COBL: variants seen among roughly 807,000 people sequenced by gnomAD.
The protein encoded by COBL is cordon-bleu WH2 repeat protein, also known as protein cordon-bleu.
In COBL, 51 loss-of-function variants were observed where a neutral mutation model predicts 98.8. The ratio of observed to expected loss-of-function variants is 0.52; its 90% CI spans 0.41 to 0.65. The LOEUF (loss-of-function observed/expected upper bound fraction) is 0.65, where lower values mean the gene tolerates loss of function less well. Ranked by LOEUF, COBL falls within the 30% of genes least tolerant of loss-of-function variation. COBL has a pLI of 0.00. For synonymous variants in COBL, 634 were observed against 651.7 expected (o/e 0.97, Z 0.41); for missense variants, 1,617 against 1,617.5 (o/e 1.00, Z 0.01).
chr7:51,082,697 T>C (rs1793784030), intron 7 of COBL, among the ~76,000 whole-genome samples: 1 of 152,212 alleles, frequency 6.6e-6, no homozygotes, highest in Non-Finnish European at 1.5e-5. Context: ...ACAGCCTGCC[T>C]GAGTTAGCCC....
At chr7:51,211,469 C>A (rs1248948945) in intron 2 of COBL, among the ~76,000 whole-genome samples, 1 of 152,196 alleles carries the variant, frequency 6.6e-6, no homozygotes, top group Non-Finnish European at 1.5e-5. Flanking sequence ...AGGCACCGAG[C>A]ACAGTGCCAG....
At chr7:51,061,544 A>G (rs2128910619) in intron 7 of COBL, among the ~76,000 whole-genome samples, 2 of 152,138 alleles carry the variant, frequency 1.3e-5, no homozygotes, top group Middle Eastern at 6.8e-3. Flanking sequence ...CGAGTTGGCA[A>G]GGGGTGAATT....
intron 6 of COBL, among the ~76,000 whole-genome samples, chr7:51,122,770 G>A (rs942551768): frequency 2.6e-5 from 4 of 152,142 alleles, no homozygotes; most frequent in Admixed American, 6.5e-5. Context: ...CCTGAGGTCA[G>A]GAGTTCGAGA....
At chr7:51,303,427 C>G (rs949513234) in intron 1 of COBL, among the ~76,000 whole-genome samples, 1 of 152,140 alleles carries the variant, frequency 6.6e-6, no homozygotes, top group East Asian at 1.9e-4. Flanking sequence ...CTGTGCGCAC[C>G]TGACTTGACC....
chr7:51,253,766 C>A (rs955686222), intron 1 of COBL, among the ~76,000 whole-genome samples: 4 of 152,138 alleles, frequency 2.6e-5, no homozygotes, highest in South Asian at 2.1e-4. Context: ...TTTGCCATTT[C>A]TTTTGTTCTT....
intron 5 of COBL, among the ~76,000 whole-genome samples, chr7:51,168,134 A>G (rs2129040817): frequency 6.6e-6 from 1 of 152,334 alleles, no homozygotes; most frequent in East Asian, 1.9e-4. Context: ...CAACCCAGAT[A>G]ATAGGAGAAA....
chr7:51,154,873 T>C (rs1306551538), intron 5 of COBL, among the ~76,000 whole-genome samples: 1 of 152,218 alleles, frequency 6.6e-6, no homozygotes, highest in African/African-American at 2.4e-5. Context: ...GTCTCTGACA[T>C]GGGATATAAA....
At chr7:51,214,616 G>A (rs952420772) in intron 2 of COBL, among the ~76,000 whole-genome samples, 5 of 152,130 alleles carry the variant, frequency 3.3e-5, no homozygotes, top group Non-Finnish European at 1.5e-5. Flanking sequence ...CAAGTTAGTT[G>A]TTTTCTATGT....
intron 1 of COBL, among the ~76,000 whole-genome samples, chr7:51,241,176 G>T (rs1795755800): frequency 6.6e-6 from 1 of 152,202 alleles, no homozygotes; most frequent in Non-Finnish European, 1.5e-5. Flanking sequence ...ATTAGAGAGA[G>T]CAAATTCCAG....
At chr7:51,089,904 GC>G (rs2128947890) in intron 6 of COBL, among the ~76,000 whole-genome samples, 1 of 151,684 alleles carries the variant, frequency 6.6e-6, no homozygotes, top group South Asian at 2.1e-4. Flanking sequence ...TTTAATGGCT[GC>G]CTAGTACTCC....
chr7:51,032,506 T>C (rs1156963620), intron 8 of COBL: 1 of 152,230 alleles, frequency 6.6e-6, no homozygotes, highest in South Asian at 2.1e-4. Context: ...TAATGATGCA[T>C]GAAATAAGCT....
chr7:51,085,749 A>C (rs1458138055), intron 6 of COBL, among the ~76,000 whole-genome samples: 2 of 152,118 alleles, frequency 1.3e-5, no homozygotes, highest in African/African-American at 2.4e-5. Flanking sequence ...GGCAGCTCAG[A>C]CCTCACCCTG....
At chr7:51,232,755 G>C (rs1794880379) in intron 1 of COBL, among the ~76,000 whole-genome samples, 1 of 151,970 alleles carries the variant, frequency 6.6e-6, no homozygotes, top group Non-Finnish European at 1.5e-5. Context: ...AGGTTGCAGT[G>C]AGCCAAGATC....
chr7:51,030,708 C>G, intron 9 of COBL, 104 bp downstream of exon 9: 5 of 757,672 alleles, frequency 6.6e-6, no homozygotes, highest in Non-Finnish European at 8.9e-6. Flanking sequence ...CTTCTGAAGG[C>G]TGTTTCCTCA....
intron 6 of COBL, among the ~76,000 whole-genome samples, chr7:51,097,122 A>G (rs563045627): frequency 2.5e-4 from 38 of 152,342 alleles, no homozygotes; most frequent in African/African-American, 8.9e-4. Context: ...CAACATCACA[A>G]TAAAAGGATT....
At chr7:51,313,910 G>A (rs1454915461) in intron 1 of COBL, among the ~76,000 whole-genome samples, 2 of 152,136 alleles carry the variant, frequency 1.3e-5, no homozygotes, top group African/African-American at 2.4e-5. Context: ...CTCCCTAAAA[G>A]TCACATCAAG....
Position 51,028,367 on chromosome 7 carries a change from A to G in COBL, c.2729T>C (p.Val910Ala). 7 of 1,614,234 alleles carry G rather than the reference A, an allele frequency of 4.3e-6. No individual in the cohort carries two copies. Among genetic ancestry groups the G allele is most frequent in the Non-Finnish European group, 5.9e-6 (7 of 1,180,044 alleles). Residue 910 changes from valine (V) to alanine (A), a missense_variant, in exon 10 of 13, where the codon GTG (valine) becomes GCG (alanine). Around this residue, in one of 3 missense-constraint regions of COBL, gnomAD observed 1,304 missense variants for 1,282.0 expected, o/e 1.02. Coordinates refer to ENST00000265136, the MANE Select transcript of COBL (RefSeq NM_015198.5). ...APVLAAPPVT[V>A]KDDRTSSPHS... ...TGGGCTGGATGTCCTGTCATCTTTC[A>G]CAGTGACAGGTGGTGCAGCCAGCAC...
intron 1 of COBL, among the ~76,000 whole-genome samples, chr7:51,294,295 CATAAATAA>C (rs201170093): frequency 0.034 from 4,775 of 138,864 alleles, 269 homozygotes; most frequent in African/African-American, 0.12. Flanking sequence ...CATCTCAAAA[CATAAATAA>C]ATAAATAAAT....
At chr7:51,226,303 G>A (rs978775030) in intron 1 of COBL, among the ~76,000 whole-genome samples, 1 of 152,208 alleles carries the variant, frequency 6.6e-6, no homozygotes, top group African/African-American at 2.4e-5. Context: ...AGGCAGAAGG[G>A]AGTTGCCATT....
Sources: gnomAD v4.1 joint callset for allele counts (sites outside exome capture counted in the v4.1 genomes callset) on GRCh38, gnomAD v4.1.1 for gene constraint, gnomAD v4.1.1 regional missense constraint, MANE v1.5 for transcripts, NCBI Gene and HGNC (gene_info 2026-07-23, HGNC 2026-07-21) for gene names.